Variants in CFAP47 observed in about 807,000 individuals in gnomAD.
CFAP47 encodes the protein cilia and flagella associated protein 47.
A neutral mutation model predicts 148.1 loss-of-function variants in CFAP47; 29 were observed. The observed-to-expected ratio is 0.20, with a 90% CI of 0.15 to 0.27. The LOEUF (loss-of-function observed/expected upper bound fraction) is 0.27. CFAP47 is among the 10% of genes least tolerant of loss of function. The pLI is 1.00. For synonymous variants in CFAP47, 664 were observed against 577.3 expected, an observed-to-expected ratio of 1.15 and a Z score of -2.15; for missense variants, 1,872 against 1,697.5, an observed-to-expected ratio of 1.10 and a Z score of -1.81.
At chrX:36,338,995 C>T (rs1443435829) in intron 57 of CFAP47, among the ~76,000 whole-genome samples, 1 of 112,225 alleles carries the variant, frequency 8.9e-6, no homozygotes, top group African/African-American at 3.2e-5. Context: ...CACTTGCCGA[C>T]ACATTCTGGA....
Position 36,385,027 on chromosome X carries a change from C to T in CFAP47, c.*21C>T. The T allele has an allele frequency of 9.7e-7, 1 of 1,028,639 alleles. No homozygotes were observed. The highest frequency in any genetic ancestry group is 1.3e-6 in the Non-Finnish European group (1 of 747,897). 84.8% of individuals were successfully genotyped at this position (1,028,639 alleles called of 1,213,427 possible). A position where few individuals can be genotyped will look rare whatever the true frequency, so the allele number is the denominator to read the frequency against. On this transcript the variant is annotated 3_prime_UTR_variant, in exon 64 of 64. Transcript: ENST00000378653. ...AATAAAATTTTTTTCCAAAATATTTCTTGGTCTCAGGTAGAACTTTGATGA... is the reference window on the plus strand; with the variant it reads ...AATAAAATTTTTTTCCAAAATATTTTTTGGTCTCAGGTAGAACTTTGATGA...
intron 39 of CFAP47, among the ~76,000 whole-genome samples, chrX:36,176,765 C>T (rs1382028322): frequency 9.0e-6 from 1 of 111,615 alleles, no homozygotes; most frequent in African/African-American, 3.3e-5. Flanking sequence ...ATTAGCCGCG[C>T]ATGGTGGCAT....
At chrX:36,183,777 A>C in intron 40 of CFAP47, among the ~76,000 whole-genome samples, 1 of 111,852 alleles carries the variant, frequency 8.9e-6, no homozygotes, top group South Asian at 3.7e-4. Flanking sequence ...GTAAGTTCTT[A>C]TTCTAATGAA....
intron 57 of CFAP47, among the ~76,000 whole-genome samples, chrX:36,347,753 G>A (rs782111534): frequency 1.6e-4 from 18 of 110,122 alleles, no homozygotes; most frequent in African/African-American, 5.0e-4. Flanking sequence ...ACACAGGGCA[G>A]GGAACATCAC....
chrX:36,152,732 C>T (rs59054266), intron 37 of CFAP47, among the ~76,000 whole-genome samples: 9 of 111,261 alleles, frequency 8.1e-5, no homozygotes, highest in African/African-American at 3.0e-4. Flanking sequence ...TTAATTGGAA[C>T]CTTGAGCCCT....
At chrX:35,958,587 T>G (rs1936278824) in intron 8 of CFAP47, among the ~76,000 whole-genome samples, 1 of 112,067 alleles carries the variant, frequency 8.9e-6, no homozygotes, top group African/African-American at 3.2e-5. Context: ...GGGTACAAAG[T>G]GGCATGTCCT....
intron 39 of CFAP47, among the ~76,000 whole-genome samples, chrX:36,172,942 G>A (rs1196642326): frequency 9.0e-6 from 1 of 111,067 alleles, no homozygotes; most frequent in East Asian, 2.8e-4. Flanking sequence ...ACTCTTTTTT[G>A]TTGGTAAGCT....
chrX:36,261,631 A>G (rs1940824420), intron 49 of CFAP47, among the ~76,000 whole-genome samples: 1 of 109,752 alleles, frequency 9.1e-6, no homozygotes, highest in Non-Finnish European at 1.9e-5. Context: ...TTCAGAGAGC[A>G]CATGGTTGGG....
intron 57 of CFAP47, among the ~76,000 whole-genome samples, chrX:36,332,442 T>A (rs1164143053): frequency 7.2e-5 from 8 of 111,811 alleles, no homozygotes; most frequent in African/African-American, 2.6e-4. Flanking sequence ...TGTGGGCAAG[T>A]CAAAATTAAT....
intron 26 of CFAP47, among the ~76,000 whole-genome samples, chrX:36,058,043 A>G (rs2146745887): frequency 8.9e-6 from 1 of 112,181 alleles, no homozygotes; most frequent in East Asian, 2.8e-4. Flanking sequence ...TAAGGCTTGA[A>G]GTGACATCTG....
intron 45 of CFAP47, among the ~76,000 whole-genome samples, chrX:36,206,548 T>C (rs1940040810): frequency 8.9e-6 from 1 of 111,900 alleles, no homozygotes; most frequent in Admixed American, 9.5e-5. Flanking sequence ...AGAATGTGTT[T>C]ATAAATAAAA....
intron 53 of CFAP47, 126 bp downstream of exon 53, chrX:36,301,305 T>C (rs781877644): frequency 1.6e-5 from 7 of 424,882 alleles, no homozygotes; most frequent in Non-Finnish European, 7.9e-6. Context: ...TGATTTTTTT[T>C]CCCCTAGGGA....
chrX:35,960,409 G>GAAAAAA (rs1936313788), intron 8 of CFAP47, among the ~76,000 whole-genome samples: 1 of 69,695 alleles, frequency 1.4e-5, no homozygotes, highest in Admixed American at 1.7e-4. Flanking sequence ...AAAAAAAAAG[G>GAAAAAA]ACAGCTGGAA....
At chrX:36,311,031 AT>A in intron 56 of CFAP47, 42 bp downstream of exon 56, 1 of 755,448 alleles carries the variant, frequency 1.3e-6, no homozygotes, top group Non-Finnish European at 1.8e-6. Flanking sequence ...TTTTATAGGT[AT>A]TTATCAGACT....
chrX:35,932,502 T>G (rs746477919), intron 2 of CFAP47, among the ~76,000 whole-genome samples: 24 of 110,493 alleles, frequency 2.2e-4, no homozygotes, highest in Non-Finnish European at 4.0e-4. Context: ...TCCTCCCACC[T>G]TGGCCTCCCA....
intron 45 of CFAP47, among the ~76,000 whole-genome samples, chrX:36,210,793 A>G (rs1412547181): frequency 8.9e-6 from 1 of 112,447 alleles, no homozygotes; most frequent in Non-Finnish European, 1.9e-5. Flanking sequence ...ATGTGAGGTC[A>G]TGAAGATTTA....
chrX:36,279,797 C>T (rs946303030), intron 49 of CFAP47, among the ~76,000 whole-genome samples: 1 of 110,840 alleles, frequency 9.0e-6, no homozygotes, highest in Non-Finnish European at 1.9e-5. Flanking sequence ...TTCCGCCTCC[C>T]GGGTTCAAGT....
chrX:36,344,249 G>A (rs1229270647), intron 57 of CFAP47, among the ~76,000 whole-genome samples: 2 of 79,638 alleles, frequency 2.5e-5, no homozygotes, highest in African/African-American at 1.3e-4. Context: ...GAAAAAAAAA[G>A]AGAGAAAGAA....
intron 33 of CFAP47, among the ~76,000 whole-genome samples, chrX:36,122,912 A>G (rs1408365432): frequency 1.8e-5 from 2 of 111,102 alleles, no homozygotes; most frequent in East Asian, 2.9e-4. Context: ...TTATTGTACT[A>G]TTCTCAGTCT....
Sources: gnomAD v4.1 joint callset for allele counts (sites outside exome capture counted in the v4.1 genomes callset) on GRCh38, gnomAD v4.1.1 for gene constraint, MANE v1.5 for transcripts, NCBI Gene and HGNC (gene_info 2026-07-23, HGNC 2026-07-21) for gene names.